The following MTOR variants were observed in gnomAD, a reference collection of about 807,000 sequenced individuals.
MTOR encodes mechanistic target of rapamycin kinase.
A neutral mutation model predicts 319.8 loss-of-function variants in MTOR; 70 were observed. The ratio of observed to expected loss-of-function variants is 0.22; its 90% CI spans 0.18 to 0.27. The LOEUF is 0.27. Ranked by LOEUF, MTOR falls within the 10% of genes least tolerant of loss-of-function variation. The pLI, the probability that MTOR is intolerant of heterozygous loss-of-function variation, is 1.00. For missense variants in MTOR, 1,890 were observed against 3,274.4 expected (o/e 0.58, Z 10.32); for synonymous variants, 1,183 against 1,211.4 (o/e 0.98, Z 0.49).
rs12143194 is a variant in MTOR, at chr1:11,121,573, G to A, written c.6811-205C>T. On this transcript the variant is annotated intron_variant, in intron 48 of 57. Transcript: ENST00000361445. The surrounding 1 kb of genome is among the most constrained non-coding windows in gnomAD (Gnocchi z 4.9). The stretch of plus-strand genomic sequence containing the variant: ...ACCACTGGAACCCCAAGGCATAAGG[G>A]AAAAACACGAGACTTCACCTCAGTT... Among the ~76,000 whole-genome samples, 8,987 of 152,202 alleles carry A rather than the reference G, an allele frequency of 0.059. 375 individuals carry two copies. The highest frequency in any genetic ancestry group is 0.12 in the South Asian group (599 of 4,828).
At chr1:11,251,245 G>T (rs543283161) in intron 6 of MTOR, among the ~76,000 whole-genome samples, 1 of 152,264 alleles carries the variant, frequency 6.6e-6, no homozygotes, top group Non-Finnish European at 1.5e-5. Flanking sequence ...TAGGGGAGCT[G>T]CTACTGCAGT....
Position 11,114,891 on chromosome 1 carries a change from C to T in MTOR, c.7090-4G>A, listed in dbSNP as rs1360014185. On this transcript the variant is annotated splice_region_variant and splice_polypyrimidine_tract_variant and intron_variant, in intron 51 of 57. Transcript: ENST00000361445. The stretch of plus-strand genomic sequence containing the variant: ...ACTTCTCTCGGGTCATAGCAACCTA[C>T]AGAATAATAAATGGGAAAAGCCAAA... 1 of 1,613,498 alleles carries T rather than the reference C, an allele frequency of 6.2e-7. No homozygotes were observed. The highest frequency in any genetic ancestry group is 8.5e-7 in the Non-Finnish European group (1 of 1,179,484).
intron 19 of MTOR, chr1:11,226,428 A>C (rs1007014479): frequency 2.0e-5 from 3 of 152,214 alleles, no homozygotes; most frequent in African/African-American, 7.2e-5. Flanking sequence ...CTTCATGGTG[A>C]AATCTTAACA....
intron 18 of MTOR, among the ~76,000 whole-genome samples, chr1:11,230,620 T>G (rs1029128201): frequency 1.3e-5 from 2 of 152,138 alleles, no homozygotes; most frequent in African/African-American, 4.8e-5. Context: ...TAAGAAAGAA[T>G]GAGAGATAGA....
intron 32 of MTOR, 59 bp from the exon 33 acceptor site, chr1:11,145,104 AG>A: frequency 7.0e-7 from 1 of 1,423,658 alleles, no homozygotes; most frequent in Non-Finnish European, 9.8e-7. Context: ...GGGTTATTTT[AG>A]GGCACCCCAA....
intron 19 of MTOR, among the ~76,000 whole-genome samples, chr1:11,226,996 T>C (rs1477248707): frequency 7.8e-6 from 1 of 127,926 alleles, no homozygotes; most frequent in Non-Finnish European, 1.6e-5. Flanking sequence ...AGGTAAATTA[T>C]TAGAGTTAAT....
chr1:11,168,181 T>C (rs1644706784), intron 28 of MTOR, among the ~76,000 whole-genome samples: 2 of 151,842 alleles, frequency 1.3e-5, no homozygotes, highest in African/African-American at 2.4e-5. Context: ...ATCCCTGTTG[T>C]AGTACACAAT....
chr1:11,142,575 G>A (rs939883806), intron 34 of MTOR, among the ~76,000 whole-genome samples: 1 of 152,178 alleles, frequency 6.6e-6, no homozygotes, highest in Non-Finnish European at 1.5e-5. Flanking sequence ...GGGATTACAG[G>A]TGTGAGCCAC....
intron 5 of MTOR, 117 bp downstream of exon 5, chr1:11,255,875 G>A: frequency 5.8e-6 from 5 of 865,322 alleles, no homozygotes; most frequent in East Asian, 2.9e-5. Context: ...ATTCATTTGA[G>A]AGCAAACCAA....
At chr1:11,137,152 TAAAAAAA>T (rs33927011) in intron 36 of MTOR, among the ~76,000 whole-genome samples, 5 of 73,374 alleles carry the variant, frequency 6.8e-5, no homozygotes, top group African/African-American at 2.1e-4. Flanking sequence ...TAAATCTGAT[TAAAAAAA>T]AAAAAAAAAA....
At chr1:11,201,124 T>C (rs1375904172) in intron 26 of MTOR, among the ~76,000 whole-genome samples, 1 of 152,006 alleles carries the variant, frequency 6.6e-6, no homozygotes, top group African/African-American at 2.4e-5. Context: ...AGATTAGCAG[T>C]TCAAGACCAG....
intron 54 of MTOR, among the ~76,000 whole-genome samples, chr1:11,112,494 A>C (rs1183439294): frequency 1.3e-5 from 2 of 152,254 alleles, no homozygotes; most frequent in Non-Finnish European, 2.9e-5. Flanking sequence ...AATGCTTATC[A>C]GGTGATAAGC....
At chr1:11,217,083 T>C (rs1165863888) in intron 19 of MTOR, among the ~76,000 whole-genome samples, 2 of 152,226 alleles carry the variant, frequency 1.3e-5, no homozygotes, top group Admixed American at 6.5e-5. Flanking sequence ...AGCTCATTTA[T>C]AGTAATTAAC....
chr1:11,230,253 C>G (rs1480333034), intron 18 of MTOR, among the ~76,000 whole-genome samples: 1 of 152,122 alleles, frequency 6.6e-6, no homozygotes, highest in African/African-American at 2.4e-5. Context: ...AAACCCCTCC[C>G]TACTAAAAAT....
In MTOR at chr1:11,144,611, G is replaced by C. The variant is rs746859924; in HGVS notation, c.4872+37C>G. On this transcript the variant is annotated intron_variant, in intron 34 of 57. Transcript: ENST00000361445. The stretch of plus-strand genomic sequence containing the variant: ...TCACCCAGGTCCTGGAAGGGGTAGG[G>C]GTAGGTGGGTGAACTGGGGCTTTCT... The C allele has an allele frequency of 3.1e-6, 5 of 1,588,640 alleles. No homozygotes were observed. The East Asian group carries it at 8.9e-5, about 28-fold the overall frequency.
intron 13 of MTOR, 64 bp from the exon 14 acceptor site, chr1:11,234,329 C>G: frequency 6.6e-7 from 1 of 1,523,786 alleles, no homozygotes; most frequent in Non-Finnish European, 8.8e-7. Context: ...AGACTGTGTC[C>G]AACAGAAAAA....
chr1:11,257,590 A>T (rs1472593869), intron 3 of MTOR, among the ~76,000 whole-genome samples: 1 of 137,354 alleles, frequency 7.3e-6, no homozygotes, highest in Non-Finnish European at 1.6e-5. Flanking sequence ...AAAAAAAAAA[A>T]ATCTGGCGAG....
At chr1:11,114,920 A>G (rs1481479102) in intron 51 of MTOR, 33 bp from the exon 52 acceptor site, 4 of 1,599,380 alleles carry the variant, frequency 2.5e-6, no homozygotes, top group African/African-American at 2.7e-5. Context: ...AGCCAAATCA[A>G]TGTTTATTTT....
At chr1:11,254,145 A>AT (rs879781709) in intron 5 of MTOR, among the ~76,000 whole-genome samples, 172 bp from the exon 6 acceptor site, 96 of 146,360 alleles carry the variant, frequency 6.6e-4, no homozygotes, top group East Asian at 9.9e-4. Flanking sequence ...TTCAGCTTCA[A>AT]TTTTTTTTTT....
Sources: gnomAD v4.1 joint callset for allele counts (sites outside exome capture counted in the v4.1 genomes callset) on GRCh38, gnomAD v4.1.1 for gene constraint, Gnocchi (gnomAD v3.1) non-coding constraint, MANE v1.5 for transcripts, NCBI Gene and HGNC (gene_info 2026-07-23, HGNC 2026-07-21) for gene names.